Variants in PHGDH observed in about 807,000 individuals in gnomAD.
The protein encoded by PHGDH is D-3-phosphoglycerate dehydrogenase.
Under a neutral mutation model 52.6 loss-of-function variants are expected in PHGDH, and 50 were observed. That is an observed-to-expected ratio of 0.95 (90% confidence interval 0.76 to 1.20). The LOEUF is 1.20. Ranked by LOEUF, PHGDH falls within the 50% of genes most tolerant of loss-of-function variation. The probability of loss-of-function intolerance (pLI) is 0.00; values close to 1 mark genes in which losing one functional copy is unlikely to be tolerated. For missense variants in PHGDH, 630 were observed against 684.6 expected, an observed-to-expected ratio of 0.92 and a Z score of 0.89; for synonymous variants, 271 against 280.5, an observed-to-expected ratio of 0.97 and a Z score of 0.34.
chr1:119,724,659 ATTTTT>A, intron 3 of PHGDH: 1 of 349,810 alleles, frequency 2.9e-6, no homozygotes, highest in Admixed American at 3.8e-5. Context: ...ACCTTCAGGG[ATTTTT>A]TTTTTTTTTT....
At chr1:119,739,411 G>A (rs1652086721) in intron 8 of PHGDH, 1 of 152,182 alleles carries the variant, frequency 6.6e-6, no homozygotes, top group Non-Finnish European at 1.5e-5. Flanking sequence ...ACTCCTTGGA[G>A]AGGATCCAGG....
At chr1:119,730,883 C>A (rs973862313) in intron 5 of PHGDH, among the ~76,000 whole-genome samples, 15 of 152,126 alleles carry the variant, frequency 9.9e-5, no homozygotes, top group African/African-American at 3.6e-4. Context: ...ACAGCCTGAA[C>A]CATGTGTCAT....
intron 5 of PHGDH, among the ~76,000 whole-genome samples, chr1:119,733,803 G>T (rs1303529288): frequency 2.0e-5 from 3 of 152,128 alleles, no homozygotes; most frequent in Non-Finnish European, 4.4e-5. Flanking sequence ...CTTTGTTTTT[G>T]TCTAATCCTG....
In PHGDH at chr1:119,742,806, GGTC is replaced by G. The variant is rs1360447212; in HGVS notation, c.1210_1212del (p.Val404del). 1 of 1,594,298 alleles carries G rather than the reference GGTC, an allele frequency of 6.3e-7. No individual in the cohort carries two copies. Among genetic ancestry groups the G allele is most frequent in the African/African-American group, 1.3e-5 (1 of 74,594 alleles). On this transcript the variant is annotated inframe_deletion and splice_region_variant, in exon 11 of 12. Transcript: ENST00000641023. ...ACAGTCACCTTGCCTTCTCCACACA[GGTC>G]ACCACCTCCCACAGCCCTGCTGCAC...
intron 5 of PHGDH, 43 bp downstream of exon 5, chr1:119,727,145 C>A: frequency 8.0e-7 from 1 of 1,257,350 alleles, no homozygotes; most frequent in Non-Finnish European, 1.2e-6. Context: ...CTTTCTGCAG[C>A]AATTTTGGGA....
chr1:119,720,314 T>A (rs1042322730), intron 1 of PHGDH: 1 of 152,248 alleles, frequency 6.6e-6, no homozygotes, highest in African/African-American at 2.4e-5. Context: ...CAAGTCTAGA[T>A]GAATTTAATT....
rs111830837 is a variant in PHGDH, at chr1:119,721,030, A to G, written c.139-140A>G. The stretch of plus-strand genomic sequence containing the variant: ...TTTCCCTAGTGAGTATACCAAAGAT[A>G]TCTATGAACTGGCAGTCATCAGTGA... On this transcript the variant is annotated intron_variant, in intron 1 of 11. Coordinates refer to ENST00000641023, the MANE Select transcript of PHGDH (RefSeq NM_006623.4). The G allele has an allele frequency of 8.2e-5, 67 of 816,014 alleles. 1 individual carries two copies. In the African/African-American group the frequency reaches 9.4e-4, roughly 11 times the overall value. 50.5% of individuals were successfully genotyped at this position (816,014 alleles called of 1,614,324 possible). A position where few individuals can be genotyped will look rare whatever the true frequency, so the allele number is the denominator to read the frequency against.
chr1:119,735,045 C>A, intron 6 of PHGDH: 1 of 627,742 alleles, frequency 1.6e-6, no homozygotes, highest in East Asian at 2.7e-5. Context: ...GATTCCCAGA[C>A]CCACTTGAAA....
At position 119,744,179 on chromosome 1, in the gene PHGDH, T is replaced by C; in HGVS notation, c.*139T>C. The stretch of plus-strand genomic sequence containing the variant: ...CTTACACTGCACTCTGACCCTGTAG[T>C]ACAGCAATAACCGTCTAATAAAGAG... On this transcript the variant is annotated 3_prime_UTR_variant, in exon 12 of 12. Coordinates refer to ENST00000641023, the MANE Select transcript of PHGDH (RefSeq NM_006623.4). 2 of 787,894 alleles carry C rather than the reference T, an allele frequency of 2.5e-6. No homozygotes were observed. The highest frequency in any genetic ancestry group is 2.2e-6 in the Non-Finnish European group (1 of 447,296). 48.8% of individuals were successfully genotyped at this position (787,894 alleles called of 1,614,324 possible).
intron 10 of PHGDH, 111 bp downstream of exon 10, chr1:119,742,008 G>A (rs929342113): frequency 1.5e-5 from 14 of 918,232 alleles, no homozygotes; most frequent in East Asian, 5.1e-5. Context: ...GCCTTGCATC[G>A]GCCTGTCTAC....
intron 5 of PHGDH, among the ~76,000 whole-genome samples, chr1:119,730,448 G>A (rs771934792): frequency 6.6e-6 from 1 of 152,116 alleles, no homozygotes; most frequent in Non-Finnish European, 1.5e-5. Flanking sequence ...GTCTCCTCAC[G>A]GTAAACATCA....
At chr1:119,718,496 T>A (rs1018562418) in intron 1 of PHGDH, among the ~76,000 whole-genome samples, 1 of 152,238 alleles carries the variant, frequency 6.6e-6, no homozygotes, top group Non-Finnish European at 1.5e-5. Flanking sequence ...TCTGGCCCTA[T>A]CTTCTTGACA....
chr1:119,736,508 G>T (rs1329288990), intron 7 of PHGDH, among the ~76,000 whole-genome samples: 3 of 152,190 alleles, frequency 2.0e-5, no homozygotes, highest in Non-Finnish European at 2.9e-5. Flanking sequence ...ATACCCAAGG[G>T]CAATCTTCTC....
intron 7 of PHGDH, among the ~76,000 whole-genome samples, chr1:119,736,172 C>T (rs1180988869): frequency 2.0e-5 from 3 of 152,222 alleles, no homozygotes; most frequent in Non-Finnish European, 1.5e-5. Flanking sequence ...GCCCCTGTAG[C>T]ACTCACTGTG....
Position 119,743,038 on chromosome 1 carries a change from A to G in PHGDH, c.1441A>G (p.Met481Val), listed in dbSNP as rs766039819. Reference sequence around the variant, plus strand: ...CTCTGACCCTGCAATGCTGCCTACCATGATTGGTGAGGAGGGCCCTGTAGG... The same window carrying G: ...CTCTGACCCTGCAATGCTGCCTACCGTGATTGGTGAGGAGGGCCCTGTAGG... The part of the protein sequence containing the change: ...QTSDPAMLPT[M>V]IGLLAEAGVR... The change falls in exon 11 of 12, where the codon ATG becomes GTG. Residue 481 changes from methionine (M) to valine (V), a missense_variant. Physicochemically the swap from Met to Val is conservative, Grantham distance 21. Transcript: ENST00000641023. 4 of 1,603,884 alleles carry G rather than the reference A, an allele frequency of 2.5e-6. No homozygotes were observed. The highest frequency in any genetic ancestry group is 1.1e-5 in the South Asian group (1 of 90,860).
chr1:119,720,287 T>C (rs1475372992), intron 1 of PHGDH: 1 of 152,220 alleles, frequency 6.6e-6, no homozygotes, highest in African/African-American at 2.4e-5. Flanking sequence ...TAGTCTAATA[T>C]TGCCTGGGTG....
rs747903761 is a variant in PHGDH at position 119,726,889 on chromosome 1, A to G, written c.395A>G (p.Lys132Arg). 15 of 1,614,096 alleles carry G rather than the reference A, an allele frequency of 9.3e-6. No individual in the cohort carries two copies. Among genetic ancestry groups the G allele is most frequent in the African/African-American group, 2.7e-5 (2 of 74,940 alleles). Residue 132 changes from lysine to arginine, a missense_variant, in exon 4 of 12, where the codon AAA (lysine) becomes AGA (arginine). Lys to Arg is a conservative substitution (Grantham distance 26). Transcript: ENST00000641023. ...GCGACGGCTTCGATGAAGGACGGCA[A>G]ATGGGAGCGGAAGAAGGTGAGCAGC... is the stretch of plus-strand genomic sequence containing the variant. Reference protein sequence around the residue: ...PQATASMKDGKWERKKFMGTE... With the variant: ...PQATASMKDGRWERKKFMGTE...
chr1:119,739,993 C>T, intron 8 of PHGDH: 1 of 199,546 alleles, frequency 5.0e-6, no homozygotes, highest in South Asian at 1.2e-4. Flanking sequence ...TTGGGACTGC[C>T]AGAGAAGACC....
chr1:119,743,134 C>G, intron 11 of PHGDH, 90 bp downstream of exon 11: 1 of 847,948 alleles, frequency 1.2e-6, no homozygotes, highest in Non-Finnish European at 2.1e-6. Flanking sequence ...TCCTTTAGCC[C>G]CTCTTCATGT....
Sources: gnomAD v4.1 joint callset for allele counts (sites outside exome capture counted in the v4.1 genomes callset) on GRCh38, gnomAD v4.1.1 for gene constraint, MANE v1.5 for transcripts, NCBI Gene and HGNC (gene_info 2026-07-23, HGNC 2026-07-21) for gene names.